The following PTPRE variants were observed in gnomAD, a reference collection of about 807,000 sequenced individuals.
The protein encoded by PTPRE is protein tyrosine phosphatase receptor type E, also known as receptor-type tyrosine-protein phosphatase epsilon.
A neutral mutation model predicts 102.0 loss-of-function variants in PTPRE; 51 were observed. That is an observed-to-expected ratio of 0.50 (90% CI 0.40 to 0.63). The LOEUF is 0.63. PTPRE is among the 30% of genes least tolerant of loss of function. The probability of loss-of-function intolerance (pLI) is 0.00; values close to 1 mark genes in which losing one functional copy is unlikely to be tolerated. For missense variants in PTPRE, 752 were observed against 915.1 expected, an observed-to-expected ratio of 0.82 and a Z score of 2.30; for synonymous variants, 345 against 348.2, an observed-to-expected ratio of 0.99 and a Z score of 0.10.
At position 128,056,961 on chromosome 10, in the gene PTPRE, A is replaced by G. The variant is rs188210079; in HGVS notation, c.511+748A>G. Among the ~76,000 whole-genome samples the G allele has an allele frequency of 6.5e-3, 981 of 152,012 alleles. 13 individuals carry two copies. Among genetic ancestry groups the G allele is most frequent in the African/African-American group, 0.023 (952 of 41,452 alleles). ...CCGGGTGCTGTGGCTCATGTCTGTA[A>G]TCCCAGCACTCTGGGAGGCCGAGGC... On this transcript the variant is annotated intron_variant, in intron 7 of 20. Coordinates refer to ENST00000254667, the MANE Select transcript of PTPRE (RefSeq NM_006504.6).
At position 128,076,722 on chromosome 10, in the gene PTPRE, C is replaced by T; in HGVS notation, c.1719C>T (p.Leu573=). Reference sequence around the variant, plus strand: ...GTATACGAGACTTTCTGGTCACTCTCAATCAGGTATTGTTGAAGTAGCTCT... The same window carrying T: ...GTATACGAGACTTTCTGGTCACTCTTAATCAGGTATTGTTGAAGTAGCTCT... The part of the protein sequence containing the change: ...AISIRDFLVT[L]NQPQARQEEQ... Residue 573 remains leucine (L), a synonymous_variant, in exon 18 of 21, where the codon CTC becomes CTT. Transcript: ENST00000254667. 6.2e-7 allele frequency: 1 copy of T among 1,611,670 alleles called. No homozygotes were observed. Among genetic ancestry groups the T allele is most frequent in the Non-Finnish European group, 8.5e-7 (1 of 1,179,408 alleles).
intron 2 of PTPRE, among the ~76,000 whole-genome samples, chr10:128,017,211 T>C (rs1845505955): frequency 6.6e-6 from 1 of 152,124 alleles, no homozygotes; most frequent in Non-Finnish European, 1.5e-5. Flanking sequence ...TGCTGGTCCC[T>C]GGAGAGGTTG....
chr10:128,080,792 A>C (rs1851642021), intron 20 of PTPRE, among the ~76,000 whole-genome samples: 1 of 152,110 alleles, frequency 6.6e-6, no homozygotes, highest in Admixed American at 6.5e-5. Context: ...TGACTTTTAG[A>C]GTAAAGGGTC....
chr10:128,020,592 G>A (rs867513555), intron 2 of PTPRE, among the ~76,000 whole-genome samples: 32 of 152,298 alleles, frequency 2.1e-4, no homozygotes, highest in African/African-American at 7.0e-4. Flanking sequence ...AAAACAGCTC[G>A]GTTTTGACAT....
chr10:128,080,443 C>T (rs1851603747), intron 20 of PTPRE, among the ~76,000 whole-genome samples: 1 of 152,230 alleles, frequency 6.6e-6, no homozygotes, highest in African/African-American at 2.4e-5. Context: ...GTCCCCCTCA[C>T]AGCAAGGCGC....
At chr10:128,009,415 C>T (rs535314028) in intron 2 of PTPRE, among the ~76,000 whole-genome samples, 11 of 152,274 alleles carry the variant, frequency 7.2e-5, no homozygotes, top group African/African-American at 2.6e-4. Flanking sequence ...GTGAACAACT[C>T]GGGGAGAGCT....
At chr10:127,941,758 A>C (rs1848261069) in intron 1 of PTPRE, among the ~76,000 whole-genome samples, 1 of 149,314 alleles carries the variant, frequency 6.7e-6, no homozygotes. Context: ...TACAACTCCC[A>C]CCCCCTCCAT....
chr10:128,067,446 GCA>G (rs781743393), intron 11 of PTPRE, among the ~76,000 whole-genome samples: 13 of 148,262 alleles, frequency 8.8e-5, no homozygotes, highest in South Asian at 4.3e-4. Flanking sequence ...ATTCACACAT[GCA>G]CACACATGCA....
At chr10:127,961,388 C>G (rs1295986893) in intron 1 of PTPRE, among the ~76,000 whole-genome samples, 1 of 152,032 alleles carries the variant, frequency 6.6e-6, no homozygotes, top group Admixed American at 6.6e-5. Flanking sequence ...AATTGAAAAG[C>G]CTTCTTTAGA....
At chr10:127,986,712 A>T (rs1480835300) in intron 2 of PTPRE, among the ~76,000 whole-genome samples, 2 of 152,134 alleles carry the variant, frequency 1.3e-5, no homozygotes, top group East Asian at 1.9e-4. Context: ...CAGGAAAAAA[A>T]AATCTGTTCG....
intron 18 of PTPRE, among the ~76,000 whole-genome samples, chr10:128,077,119 G>A (rs1018459923): frequency 2.6e-5 from 4 of 152,126 alleles, no homozygotes; most frequent in African/African-American, 9.7e-5. Flanking sequence ...ATGAGAACTC[G>A]GGGTCAGCTG....
chr10:127,942,156 G>T (rs1165325333), intron 1 of PTPRE, among the ~76,000 whole-genome samples: 3 of 152,170 alleles, frequency 2.0e-5, no homozygotes, highest in Non-Finnish European at 4.4e-5. Flanking sequence ...CGATGTCAGA[G>T]AAATGAGAAT....
intron 6 of PTPRE, among the ~76,000 whole-genome samples, chr10:128,052,446 T>A (rs1222994672): frequency 6.6e-6 from 1 of 152,174 alleles, no homozygotes; most frequent in Non-Finnish European, 1.5e-5. Flanking sequence ...CTTGGGCAAT[T>A]AACCTCTGCC....
chr10:128,082,525 G>GTTT (rs528015137), intron 20 of PTPRE, among the ~76,000 whole-genome samples: 4 of 144,480 alleles, frequency 2.8e-5, no homozygotes, highest in African/African-American at 7.5e-5. Context: ...CTGGTTTTTT[G>GTTT]TTTTTTTTTT....
chr10:128,060,835 G>A, intron 7 of PTPRE, 104 bp from the exon 8 acceptor site: 1 of 1,136,494 alleles, frequency 8.8e-7, no homozygotes, highest in Non-Finnish European at 1.3e-6. Flanking sequence ...GCCCTTCCCA[G>A]GAGCTGACAC....
At chr10:128,060,848 C>T in intron 7 of PTPRE, 91 bp from the exon 8 acceptor site, 2 of 1,267,424 alleles carry the variant, frequency 1.6e-6, no homozygotes, top group Non-Finnish European at 2.3e-6. Flanking sequence ...GCTGACACTG[C>T]AGATGAAGAG....
chr10:128,063,332 T>C, intron 10 of PTPRE, 152 bp downstream of exon 10: 1 of 1,392,702 alleles, frequency 7.2e-7, no homozygotes, highest in Non-Finnish European at 9.5e-7. Context: ...GCTTACAGCA[T>C]TTTCTTCACG....
intron 2 of PTPRE, among the ~76,000 whole-genome samples, chr10:128,029,182 G>C (rs575085027): frequency 6.6e-6 from 1 of 152,154 alleles, no homozygotes; most frequent in East Asian, 1.9e-4. Context: ...GCTCGTGGGG[G>C]CTCAGGGCCC....
At chr10:127,975,425 A>G (rs911960965) in intron 1 of PTPRE, among the ~76,000 whole-genome samples, 4 of 152,210 alleles carry the variant, frequency 2.6e-5, no homozygotes, top group African/African-American at 9.6e-5. Flanking sequence ...CTGAATAATT[A>G]TTTAATGCCA....
Sources: allele counts gnomAD v4.1 joint callset (sites outside exome capture counted in the v4.1 genomes callset), GRCh38; gene constraint gnomAD v4.1.1; transcripts MANE v1.5; gene names NCBI Gene and HGNC (gene_info 2026-07-23, HGNC 2026-07-21).